GLG1: variants seen among roughly 807,000 people sequenced by gnomAD.
The protein encoded by GLG1 is golgi glycoprotein 1, also known as Golgi apparatus protein 1.
A neutral mutation model predicts 160.5 loss-of-function variants in GLG1; 38 were observed. That is an observed-to-expected ratio of 0.24 (90% confidence interval 0.18 to 0.31). The LOEUF is 0.31. Ranked by LOEUF, GLG1 falls within the 10% of genes least tolerant of loss-of-function variation. GLG1 has a pLI of 1.00. For missense variants in GLG1, 1,373 were observed against 1,505.2 expected (o/e 0.91, Z 1.45); for synonymous variants, 644 against 543.4 (o/e 1.19, Z -2.57).
chr16:74,581,769 G>C (rs1041082960), intron 1 of GLG1, among the ~76,000 whole-genome samples: 1 of 152,012 alleles, frequency 6.6e-6, no homozygotes, highest in African/African-American at 2.4e-5. Flanking sequence ...AAAATTAGCT[G>C]GGCTTGGTGG....
chr16:74,583,660 G>A (rs1957985819), intron 1 of GLG1, among the ~76,000 whole-genome samples: 1 of 152,192 alleles, frequency 6.6e-6, no homozygotes, highest in Non-Finnish European at 1.5e-5. Context: ...GATTACAGGA[G>A]TAAGCCACGG....
Position 74,485,941 on chromosome 16 carries a change from GAAGA to G in GLG1, c.1450-28_1450-25del, listed in dbSNP as rs769049231. 45 of 1,602,466 alleles carry G rather than the reference GAAGA, an allele frequency of 2.8e-5. No individual in the cohort carries two copies. The African/African-American group carries it at 4.0e-4, about 14-fold the overall frequency. ...AGCTGAATTAAAATAAATTAAGAAG[GAAGA>G]AAGAAAGTCACTTAGGTGCTAGGTA... On this transcript the variant is annotated intron_variant, in intron 8 of 25. Transcript: ENST00000422840.
At chr16:74,560,795 G>C (rs2018490215) in intron 1 of GLG1, among the ~76,000 whole-genome samples, 1 of 151,882 alleles carries the variant, frequency 6.6e-6, no homozygotes, top group Non-Finnish European at 1.5e-5. Flanking sequence ...GACCAGACTG[G>C]GCAACACAGC....
At chr16:74,491,254 T>C in intron 7 of GLG1, 39 bp from the exon 8 acceptor site, 2 of 1,381,002 alleles carry the variant, frequency 1.4e-6, no homozygotes, top group Non-Finnish European at 1.0e-6. Context: ...CGAAGGGTGA[T>C]GCTATGTATT....
chr16:74,492,542 G>T (rs1323909645), intron 7 of GLG1, among the ~76,000 whole-genome samples: 1 of 151,654 alleles, frequency 6.6e-6, no homozygotes. Context: ...AAAATTGCTA[G>T]GTGCGGTGGC....
At chr16:74,458,248 T>G in intron 23 of GLG1, 2 of 380,364 alleles carry the variant, frequency 5.3e-6, no homozygotes, top group Non-Finnish European at 9.6e-6. Context: ...AAGATCAGAT[T>G]TGTGTTTTTG....
intron 23 of GLG1, among the ~76,000 whole-genome samples, chr16:74,458,468 T>C (rs972857803): frequency 1.3e-5 from 2 of 152,122 alleles, no homozygotes; most frequent in African/African-American, 4.8e-5. Context: ...GGTAGGAGTC[T>C]GAGACCCGTG....
intron 2 of GLG1, among the ~76,000 whole-genome samples, chr16:74,514,087 TAA>T (rs551070476): frequency 6.6e-6 from 1 of 151,684 alleles, no homozygotes; most frequent in Non-Finnish European, 1.5e-5. Context: ...CAAGATTAGA[TAA>T]AAAAAGAGTG....
intron 2 of GLG1, among the ~76,000 whole-genome samples, chr16:74,531,203 G>A (rs914676965): frequency 5.9e-4 from 90 of 152,156 alleles, no homozygotes; most frequent in African/African-American, 2.0e-3. Flanking sequence ...AACCTAAATA[G>A]CCAATCTGTC....
intron 1 of GLG1, among the ~76,000 whole-genome samples, chr16:74,565,448 AG>A (rs2143756476): frequency 6.6e-6 from 1 of 152,350 alleles, no homozygotes; most frequent in Admixed American, 6.5e-5. Flanking sequence ...CTCAGTACAT[AG>A]GGAACTGTAA....
intron 4 of GLG1, among the ~76,000 whole-genome samples, chr16:74,501,229 T>C (rs776591253): frequency 4.6e-5 from 7 of 152,170 alleles, no homozygotes; most frequent in Non-Finnish European, 7.3e-5. Context: ...AATTTGGCTG[T>C]AGTACAGAGT....
chr16:74,552,347 C>G, intron 1 of GLG1: 1 of 590,838 alleles, frequency 1.7e-6, no homozygotes, highest in Non-Finnish European at 3.3e-6. Context: ...TCCTAAGTAC[C>G]CAGACCTGGC....
chr16:74,478,677 T>C (rs1383791847), intron 11 of GLG1, among the ~76,000 whole-genome samples: 1 of 151,480 alleles, frequency 6.6e-6, no homozygotes, highest in Non-Finnish European at 1.5e-5. Context: ...TTTGGGAGGC[T>C]GAGGCGGGCA....
rs564332000 is a variant in GLG1 at position 74,475,058 on chromosome 16, A to C, written c.1966-426T>G. 1.6e-3 allele frequency among the ~76,000 whole-genome samples: 244 copies of C among 151,126 alleles called. 1 individual carries two copies. The highest frequency in any genetic ancestry group is 5.8e-3 in the African/African-American group (240 of 41,212). ...TGTAATCCCAGCAACTCAGGAGGCT[A>C]AGGCAGGAGAATTGCTTGAACCCAG... On this transcript the variant is annotated intron_variant, in intron 12 of 25. Transcript: ENST00000422840.
chr16:74,604,466 C>T (rs1322409173), intron 1 of GLG1, among the ~76,000 whole-genome samples: 1 of 152,178 alleles, frequency 6.6e-6, no homozygotes, highest in Non-Finnish European at 1.5e-5. Flanking sequence ...CCAGTGATAC[C>T]AAGGAACAAC....
intron 6 of GLG1, 77 bp downstream of exon 6, chr16:74,494,683 G>A (rs2016122817): frequency 3.0e-6 from 2 of 677,946 alleles, no homozygotes; most frequent in African/African-American, 1.8e-5. Context: ...GGGATTACAG[G>A]CGTGAGCCAC....
chr16:74,588,463 C>T (rs929351001), intron 1 of GLG1, among the ~76,000 whole-genome samples: 1 of 152,034 alleles, frequency 6.6e-6, no homozygotes, highest in South Asian at 2.1e-4. Flanking sequence ...CAGGGTCTCA[C>T]TCTGATGTCC....
intron 1 of GLG1, among the ~76,000 whole-genome samples, chr16:74,544,375 A>G (rs1303143082): frequency 1.3e-5 from 2 of 152,082 alleles, no homozygotes; most frequent in East Asian, 3.8e-4. Context: ...CTGCAATGGC[A>G]CAATCTCGGC....
intron 20 of GLG1, 80 bp downstream of exon 20, chr16:74,463,276 G>T: frequency 7.2e-7 from 1 of 1,395,908 alleles, no homozygotes. Flanking sequence ...AGCCCTGGGA[G>T]TTTGAGCAGG....
Sources: gnomAD v4.1 joint callset for allele counts (sites outside exome capture counted in the v4.1 genomes callset) on GRCh38, gnomAD v4.1.1 for gene constraint, MANE v1.5 for transcripts, NCBI Gene and HGNC (gene_info 2026-07-23, HGNC 2026-07-21) for gene names.